Variants in MAN1C1 observed in about 807,000 individuals in gnomAD.
The protein encoded by MAN1C1 is mannosidase alpha class 1C member 1, also known as mannosyl-oligosaccharide 1,2-alpha-mannosidase IC.
MAN1C1 carries 49 observed loss-of-function variants against 71.5 expected under a neutral mutation model. The observed-to-expected ratio is 0.69, with a 90% CI of 0.54 to 0.87. The LOEUF is 0.87. Among genes scored for constraint, MAN1C1 ranks in the 40% least tolerant of loss-of-function variants. MAN1C1 has a pLI of 0.00. For synonymous variants in MAN1C1, 352 were observed against 343.7 expected (o/e 1.02, Z -0.27); for missense variants, 743 against 835.0 (o/e 0.89, Z 1.36).
chr1:25,701,931 A>G (rs1375483885), intron 2 of MAN1C1, among the ~76,000 whole-genome samples: 1 of 152,162 alleles, frequency 6.6e-6, no homozygotes, highest in African/African-American at 2.4e-5. Context: ...GTGGTGGTGC[A>G]CACCTGTAAT....
chr1:25,755,461 A>G (rs113960560), intron 5 of MAN1C1, among the ~76,000 whole-genome samples: 37 of 152,348 alleles, frequency 2.4e-4, no homozygotes, highest in South Asian at 1.2e-3. Flanking sequence ...GGGCACACAC[A>G]TTCACAAACG....
chr1:25,755,850 C>G (rs1045551645), intron 5 of MAN1C1, among the ~76,000 whole-genome samples: 5 of 152,212 alleles, frequency 3.3e-5, no homozygotes, highest in Non-Finnish European at 7.3e-5. Context: ...GGCCCACTTG[C>G]ACTTGAAAGG....
chr1:25,782,588 T>C lies in MAN1C1; in HGVS notation c.1654T>C (p.Leu552=). 6.2e-7 allele frequency: 1 copy of C among 1,612,878 alleles called. No individual in the cohort carries two copies. Among genetic ancestry groups the C allele is most frequent in the Non-Finnish European group, 8.5e-7 (1 of 1,178,874 alleles). Residue 552 remains leucine, a synonymous_variant, in exon 11 of 12, where the codon TTG becomes CTG. Coordinates refer to ENST00000374332, the MANE Select transcript of MAN1C1 (RefSeq NM_020379.4). This position sits in a 1 kb window ranked among gnomAD's most constrained non-coding sequence, Gnocchi z 4.4. Reference sequence around the variant, plus strand: ...TCCTCCTCTTCCCCTTCCTCAGGCCTTGGAGAAATACTGTCGGACAGAAGC... The same window carrying C: ...TCCTCCTCTTCCCCTTCCTCAGGCCCTGGAGAAATACTGTCGGACAGAAGC... ...REWGWEVVLA[L]EKYCRTEAGF...
chr1:25,768,335 CT>C (rs374649663), intron 7 of MAN1C1, among the ~76,000 whole-genome samples: 10 of 136,890 alleles, frequency 7.3e-5, no homozygotes, highest in African/African-American at 2.8e-4. Flanking sequence ...CCACACTCCC[CT>C]CACACACACC....
At chr1:25,656,258 C>A (rs990729635) in intron 1 of MAN1C1, among the ~76,000 whole-genome samples, 8 of 151,536 alleles carry the variant, frequency 5.3e-5, no homozygotes, top group African/African-American at 1.9e-4. Flanking sequence ...CCACCATGCC[C>A]CGCTAATTTT....
chr1:25,682,086 A>T (rs1043656225), intron 1 of MAN1C1, among the ~76,000 whole-genome samples: 1 of 152,206 alleles, frequency 6.6e-6, no homozygotes, highest in Admixed American at 6.5e-5. Flanking sequence ...TGCTTGGCAG[A>T]TTTCTTATTT....
chr1:25,690,454 G>T, intron 2 of MAN1C1, among the ~76,000 whole-genome samples: 1 of 152,090 alleles, frequency 6.6e-6, no homozygotes. Context: ...CACCACGTCC[G>T]GCTAATTTTT....
chr1:25,694,830 A>G (rs1318767822), intron 2 of MAN1C1, among the ~76,000 whole-genome samples: 6 of 152,214 alleles, frequency 3.9e-5, no homozygotes, highest in Non-Finnish European at 7.3e-5. Flanking sequence ...GGGAGGTAGC[A>G]GCTTTGACTT....
chr1:25,649,573 C>G (rs868809846), intron 1 of MAN1C1, among the ~76,000 whole-genome samples: 1 of 152,298 alleles, frequency 6.6e-6, no homozygotes. Flanking sequence ...GATCCTTTGT[C>G]CATATTAGCG....
intron 1 of MAN1C1, among the ~76,000 whole-genome samples, chr1:25,640,446 C>T (rs140459022): frequency 6.6e-6 from 1 of 152,318 alleles, no homozygotes; most frequent in Admixed American, 6.5e-5. Flanking sequence ...AAATCTTCCT[C>T]CTTTCCAAGT....
intron 2 of MAN1C1, among the ~76,000 whole-genome samples, chr1:25,739,090 A>G (rs1447472171): frequency 6.6e-6 from 1 of 152,118 alleles, no homozygotes; most frequent in Non-Finnish European, 1.5e-5. Context: ...CTATGATCAC[A>G]CCACTGCACT....
intron 7 of MAN1C1, among the ~76,000 whole-genome samples, chr1:25,768,391 CAT>C (rs2124392226): frequency 7.2e-6 from 1 of 139,680 alleles, no homozygotes; most frequent in East Asian, 2.2e-4. Context: ...ACTCCCCTCA[CAT>C]ACATCCACAC....
chr1:25,633,714 G>A (rs3014691), intron 1 of MAN1C1, among the ~76,000 whole-genome samples: 6 of 151,906 alleles, frequency 3.9e-5, no homozygotes, highest in African/African-American at 9.7e-5. Context: ...TATTTGGTTC[G>A]TATTCTGCCA....
At chr1:25,713,312 G>A (rs1051825224) in intron 2 of MAN1C1, among the ~76,000 whole-genome samples, 12 of 152,264 alleles carry the variant, frequency 7.9e-5, no homozygotes, top group African/African-American at 2.9e-4. Context: ...CCTCATCACA[G>A]TCAGGTGAGA....
At chr1:25,748,508 C>T (rs759548564) in intron 3 of MAN1C1, among the ~76,000 whole-genome samples, 8 of 152,238 alleles carry the variant, frequency 5.3e-5, no homozygotes, top group South Asian at 2.1e-4. Context: ...TCACCCTGCA[C>T]GGGAGGGGTT....
chr1:25,783,882 C>A lies in MAN1C1; in HGVS notation c.*93C>A. ...TCTCAAAGGGATTGGGAACGAAGGC[C>A]CCATCTCGGGCAGACCCCCAGCAGA... On this transcript the variant is annotated 3_prime_UTR_variant, in exon 12 of 12. Coordinates refer to ENST00000374332, the MANE Select transcript of MAN1C1 (RefSeq NM_020379.4). 1.3e-6 allele frequency: 2 copies of A among 1,484,620 alleles called. No homozygotes were observed. The highest frequency in any genetic ancestry group is 2.5e-5 in the South Asian group (2 of 81,610). 92.0% of individuals were successfully genotyped at this position (1,484,620 alleles called of 1,614,324 possible). A position where few individuals can be genotyped will look rare whatever the true frequency, so the allele number is the denominator to read the frequency against.
At chr1:25,674,472 T>C (rs2046036821) in intron 1 of MAN1C1, among the ~76,000 whole-genome samples, 1 of 152,292 alleles carries the variant, frequency 6.6e-6, no homozygotes, top group South Asian at 2.1e-4. Context: ...GGGAAATAGA[T>C]ACTAATTAAT....
intron 1 of MAN1C1, among the ~76,000 whole-genome samples, chr1:25,670,048 A>G (rs1168080724): frequency 6.6e-6 from 1 of 152,250 alleles, no homozygotes; most frequent in East Asian, 1.9e-4. Context: ...GTCTATGCCC[A>G]CAGCTGGTTT....
intron 2 of MAN1C1, among the ~76,000 whole-genome samples, chr1:25,706,533 C>G (rs978692456): frequency 1.3e-5 from 2 of 152,138 alleles, no homozygotes; most frequent in African/African-American, 4.8e-5. Flanking sequence ...GGGGGGGAAT[C>G]CTTGCAGGCC....
Sources: allele counts gnomAD v4.1 joint callset (sites outside exome capture counted in the v4.1 genomes callset), GRCh38; gene constraint gnomAD v4.1.1; non-coding constraint Gnocchi (gnomAD v3.1); transcripts MANE v1.5; gene names NCBI Gene and HGNC (gene_info 2026-07-23, HGNC 2026-07-21).